Variants in BACE2 observed in about 807,000 individuals in gnomAD.
The protein encoded by BACE2 is 56 kDa aspartic-like protease.
A neutral mutation model predicts 46.2 loss-of-function variants in BACE2; 17 were observed. The ratio of observed to expected loss-of-function variants is 0.37; its 90% CI spans 0.25 to 0.55. BACE2 has a LOEUF of 0.55. Among genes scored for constraint, BACE2 ranks in the 20% least tolerant of loss-of-function variants. The pLI is 0.82. For synonymous variants in BACE2, 277 were observed against 295.9 expected (o/e 0.94, Z 0.66); for missense variants, 595 against 698.1 (o/e 0.85, Z 1.66).
intron 1 of BACE2, among the ~76,000 whole-genome samples, chr21:41,213,678 G>A (rs150711811): frequency 0.012 from 1,872 of 152,188 alleles, 43 homozygotes; most frequent in African/African-American, 0.042. Context: ...GAAAGCTGAG[G>A]CAGGAGAGTC....
intron 8 of BACE2, among the ~76,000 whole-genome samples, chr21:41,264,981 C>T (rs1158544438): frequency 6.6e-6 from 1 of 152,144 alleles, no homozygotes; most frequent in Non-Finnish European, 1.5e-5. Context: ...AAGACTCTGA[C>T]TCTAAATAAA....
intron 8 of BACE2, among the ~76,000 whole-genome samples, chr21:41,267,400 T>C (rs747241915): frequency 6.6e-5 from 10 of 152,174 alleles, no homozygotes; most frequent in Non-Finnish European, 1.2e-4. Flanking sequence ...AGTGTTAAAA[T>C]TGACAACTCT....
chr21:41,179,328 G>A (rs371060878), intron 1 of BACE2: 150 of 1,318,768 alleles, frequency 1.1e-4, no homozygotes, highest in Non-Finnish European at 1.4e-4. Context: ...AGTGTCCAGG[G>A]TGAGGAGTGA....
intron 8 of BACE2, among the ~76,000 whole-genome samples, chr21:41,270,772 A>C (rs9305733): frequency 0.41 from 62,841 of 152,066 alleles, 15,099 homozygotes; most frequent in East Asian, 0.7. Context: ...TCTTGAAAAC[A>C]ATGTATATTC....
At chr21:41,205,055 C>A (rs762637805) in intron 1 of BACE2, among the ~76,000 whole-genome samples, 4 of 152,106 alleles carry the variant, frequency 2.6e-5, no homozygotes, top group Non-Finnish European at 5.9e-5. Flanking sequence ...GCAAATTGAA[C>A]ACAATGGTTT....
At chr21:41,176,056 G>A (rs1428545113) in intron 1 of BACE2, 1 of 152,214 alleles carries the variant, frequency 6.6e-6, no homozygotes, top group Admixed American at 6.5e-5. Context: ...AGCTGTCTGA[G>A]CCTCTGTTTC....
rs1440069917 is a variant in BACE2, at chr21:41,275,538, C to T, written c.1471C>T (p.Leu491=). Residue 491 remains leucine, a synonymous_variant, in exon 9 of 9, where the codon CTG becomes TTG. Transcript: ENST00000330333. ...CCTCCTTGTCTTAATCGTCCTGCTG[C>T]TGCTGCCGTTCCGGTGTCAGCGTCG... ...AILLVLIVLL[L]LPFRCQRRPR... is the part of the protein sequence containing the mutation. 6.2e-7 allele frequency: 1 copy of T among 1,614,184 alleles called. No homozygotes were observed. Among genetic ancestry groups the T allele is most frequent in the East Asian group, 2.2e-5 (1 of 44,880 alleles).
chr21:41,198,317 T>C (rs8130405), intron 1 of BACE2, among the ~76,000 whole-genome samples: 54,649 of 152,104 alleles, frequency 0.36, 12,064 homozygotes, highest in African/African-American at 0.63. Flanking sequence ...TTTGATGGGC[T>C]AGTTTATCCC....
At chr21:41,267,284 T>C (rs1397204827) in intron 8 of BACE2, among the ~76,000 whole-genome samples, 1 of 152,224 alleles carries the variant, frequency 6.6e-6, no homozygotes, top group African/African-American at 2.4e-5. Flanking sequence ...GGGTGTGTTA[T>C]GGCTCGGGCC....
At chr21:41,247,658 C>G (rs918867927) in intron 6 of BACE2, among the ~76,000 whole-genome samples, 3 of 152,192 alleles carry the variant, frequency 2.0e-5, no homozygotes, top group Non-Finnish European at 4.4e-5. Flanking sequence ...AGAGGCGGGG[C>G]GGCGGGGCCG....
intron 3 of BACE2, 125 bp from the exon 4 acceptor site, chr21:41,241,694 G>A: frequency 1.8e-6 from 2 of 1,137,206 alleles, no homozygotes; most frequent in Non-Finnish European, 2.5e-6. Flanking sequence ...CTGGTGTACT[G>A]TTGAACCATG....
chr21:41,173,485 T>C (rs1294208418), intron 1 of BACE2, among the ~76,000 whole-genome samples: 1 of 152,176 alleles, frequency 6.6e-6, no homozygotes, highest in African/African-American at 2.4e-5. Flanking sequence ...CTCATGCCTG[T>C]AATCCCAGCA....
At chr21:41,213,322 C>A (rs1317019698) in intron 1 of BACE2, among the ~76,000 whole-genome samples, 1 of 152,174 alleles carries the variant, frequency 6.6e-6, no homozygotes, top group Admixed American at 6.5e-5. Context: ...GGGAGGCCTT[C>A]TGGGGAACGC....
At chr21:41,266,826 A>T (rs1027421775) in intron 8 of BACE2, among the ~76,000 whole-genome samples, 6 of 152,044 alleles carry the variant, frequency 3.9e-5, no homozygotes, top group Non-Finnish European at 8.8e-5. Context: ...TCAGCTATAG[A>T]GTTAAAAAGT....
At chr21:41,244,976 A>G (rs892705602) in intron 5 of BACE2, among the ~76,000 whole-genome samples, 1 of 145,818 alleles carries the variant, frequency 6.9e-6, no homozygotes, top group Non-Finnish European at 1.5e-5. Flanking sequence ...TGCCCACCCC[A>G]TATGCACCCA....
chr21:41,180,306 A>G (rs1985066635), intron 1 of BACE2: 2 of 175,574 alleles, frequency 1.1e-5, no homozygotes, highest in Non-Finnish European at 2.8e-5. Flanking sequence ...CCACTTCCAG[A>G]GTTGAGTCCC....
intron 6 of BACE2, among the ~76,000 whole-genome samples, chr21:41,250,117 A>G (rs1250027048): frequency 1.3e-5 from 2 of 152,190 alleles, no homozygotes; most frequent in African/African-American, 4.8e-5. Flanking sequence ...ATCAGTGTAA[A>G]TTGTTAACTG....
intron 2 of BACE2, among the ~76,000 whole-genome samples, chr21:41,227,769 C>T (rs1986861182): frequency 1.3e-5 from 2 of 152,184 alleles, no homozygotes; most frequent in South Asian, 2.1e-4. Flanking sequence ...CACTATGTGC[C>T]CAGCTGTTGC....
At chr21:41,241,294 T>G (rs1987278896) in intron 3 of BACE2, among the ~76,000 whole-genome samples, 2 of 152,196 alleles carry the variant, frequency 1.3e-5, no homozygotes, top group Admixed American at 1.3e-4. Flanking sequence ...GCTTCTTTCC[T>G]GCCAGAGTTC....
Sources: gnomAD v4.1 joint callset for allele counts (sites outside exome capture counted in the v4.1 genomes callset) on GRCh38, gnomAD v4.1.1 for gene constraint, MANE v1.5 for transcripts, NCBI Gene and HGNC (gene_info 2026-07-23, HGNC 2026-07-21) for gene names.